CDH12: variants seen among roughly 807,000 people sequenced by gnomAD.
CDH12 encodes the protein cadherin 12.
In CDH12, 41 loss-of-function variants were observed where a neutral mutation model predicts 74.1. That is an observed-to-expected ratio of 0.55 (90% CI 0.43 to 0.72). The LOEUF (loss-of-function observed/expected upper bound fraction) is 0.72. Among genes scored for constraint, CDH12 ranks in the 30% least tolerant of loss-of-function variants. The pLI is 0.00. For synonymous variants in CDH12, 399 were observed against 355.0 expected (o/e 1.12, Z -1.39); for missense variants, 945 against 977.2 (o/e 0.97, Z 0.44).
intron 3 of CDH12, among the ~76,000 whole-genome samples, chr5:22,318,765 G>A (rs1388272122): frequency 6.6e-6 from 1 of 152,064 alleles, no homozygotes; most frequent in East Asian, 1.9e-4. Context: ...GCTTGTATAT[G>A]TACATGTGCA....
intron 1 of CDH12, among the ~76,000 whole-genome samples, chr5:22,688,059 T>C (rs1432862596): frequency 6.6e-6 from 1 of 152,092 alleles, no homozygotes; most frequent in Non-Finnish European, 1.5e-5. Flanking sequence ...TAGCTTCATG[T>C]ACTGCATTTG....
chr5:22,440,131 T>A (rs1443685266), intron 2 of CDH12, among the ~76,000 whole-genome samples: 1 of 152,052 alleles, frequency 6.6e-6, no homozygotes, highest in Non-Finnish European at 1.5e-5. Context: ...AATAAACTAA[T>A]CTATTGAGAA....
chr5:21,860,665 T>C (rs886178684), intron 6 of CDH12, among the ~76,000 whole-genome samples: 2 of 152,032 alleles, frequency 1.3e-5, no homozygotes, highest in African/African-American at 4.8e-5. Context: ...TTGCTGAGTC[T>C]TCTGGCCCTC....
intron 4 of CDH12, among the ~76,000 whole-genome samples, chr5:22,192,051 T>G (rs984887752): frequency 5.9e-5 from 9 of 152,130 alleles, no homozygotes; most frequent in Non-Finnish European, 1.0e-4. Context: ...TTCTCCTGAC[T>G]CAGACTCCCC....
At chr5:22,324,402 T>C (rs1739003188) in intron 3 of CDH12, among the ~76,000 whole-genome samples, 1 of 152,014 alleles carries the variant, frequency 6.6e-6, no homozygotes, top group Non-Finnish European at 1.5e-5. Flanking sequence ...ATCCTTGTTT[T>C]TACTACTTTA....
At chr5:22,151,422 G>T (rs1192679802) in intron 4 of CDH12, among the ~76,000 whole-genome samples, 1 of 152,136 alleles carries the variant, frequency 6.6e-6, no homozygotes, top group Admixed American at 6.6e-5. Flanking sequence ...AATAATCAAA[G>T]GATCAAGTTG....
chr5:22,252,441 T>C (rs1753168816), intron 3 of CDH12, among the ~76,000 whole-genome samples: 1 of 152,050 alleles, frequency 6.6e-6, no homozygotes, highest in African/African-American at 2.4e-5. Context: ...ACACTTGCTT[T>C]GTGGAATAAA....
chr5:22,036,100 T>A (rs969553512), intron 5 of CDH12, among the ~76,000 whole-genome samples: 1 of 152,224 alleles, frequency 6.6e-6, no homozygotes, highest in African/African-American at 2.4e-5. Flanking sequence ...TTAGATGGTA[T>A]GATTGCTGCA....
At chr5:22,154,685 T>A (rs889954216) in intron 4 of CDH12, among the ~76,000 whole-genome samples, 3 of 151,282 alleles carry the variant, frequency 2.0e-5, no homozygotes, top group Non-Finnish European at 4.4e-5. Context: ...AAAAATAAAA[T>A]AAAAATTGCT....
intron 4 of CDH12, among the ~76,000 whole-genome samples, chr5:22,089,023 T>C (rs1225592735): frequency 6.6e-6 from 1 of 152,086 alleles, no homozygotes; most frequent in Non-Finnish European, 1.5e-5. Context: ...TGGTAAAAAG[T>C]AAAAATCTAA....
chr5:22,533,194 T>A (rs575907523), intron 1 of CDH12, among the ~76,000 whole-genome samples: 86 of 152,256 alleles, frequency 5.6e-4, no homozygotes, highest in African/African-American at 1.9e-3. Context: ...TTTTTGGTTG[T>A]CATAACTGGA....
chr5:22,129,232 G>A (rs557498230), intron 4 of CDH12, among the ~76,000 whole-genome samples: 28 of 152,248 alleles, frequency 1.8e-4, no homozygotes, highest in South Asian at 1.2e-3. Flanking sequence ...CTTGTGTGAC[G>A]GTAGCAAGTT....
chr5:22,115,338 T>C (rs533964221), intron 4 of CDH12, among the ~76,000 whole-genome samples: 1 of 152,332 alleles, frequency 6.6e-6, no homozygotes, highest in East Asian at 1.9e-4. Context: ...TTATTCTTAA[T>C]GTTTTCAGAA....
chr5:22,442,705 G>A (rs576752400), intron 2 of CDH12, among the ~76,000 whole-genome samples: 1 of 152,132 alleles, frequency 6.6e-6, no homozygotes, highest in South Asian at 2.1e-4. Context: ...ATCTGAAGTA[G>A]GCAGGAAAGC....
chr5:22,723,833 C>T (rs1441935766), intron 1 of CDH12, among the ~76,000 whole-genome samples: 1 of 151,922 alleles, frequency 6.6e-6, no homozygotes, highest in African/African-American at 2.4e-5. Context: ...TCTTGATGTA[C>T]AGTTTCTGGA....
chr5:21,870,444 T>G (rs1751560967), intron 6 of CDH12, among the ~76,000 whole-genome samples: 1 of 152,190 alleles, frequency 6.6e-6, no homozygotes. Context: ...TGAGTGTGCA[T>G]TCTTGCTGTT....
chr5:22,194,308 C>CTTTTTTTTTTTTTTTTTTTTTTTTTTT (rs59899245), intron 4 of CDH12, among the ~76,000 whole-genome samples: 1 of 139,868 alleles, frequency 7.1e-6, no homozygotes, highest in African/African-American at 2.6e-5. Flanking sequence ...CTTTTTCTTT[C>CTTTTTTTTTTTTTTTTTTTTTTTTTTT]TTTTTTTTTT....
chr5:21,864,801 A>G (rs1751241580), intron 6 of CDH12, among the ~76,000 whole-genome samples: 1 of 152,204 alleles, frequency 6.6e-6, no homozygotes, highest in Admixed American at 6.5e-5. Context: ...TCAGAAGAAA[A>G]GAAATGTAGG....
At chr5:22,249,364 C>G (rs750563281) in intron 3 of CDH12, among the ~76,000 whole-genome samples, 1 of 152,072 alleles carries the variant, frequency 6.6e-6, no homozygotes, top group African/African-American at 2.4e-5. Flanking sequence ...TTATTGGAGA[C>G]AGCTGCGTGG....
Sources: allele counts gnomAD v4.1 joint callset (sites outside exome capture counted in the v4.1 genomes callset), GRCh38; gene constraint gnomAD v4.1.1; transcripts MANE v1.5; gene names NCBI Gene and HGNC (gene_info 2026-07-23, HGNC 2026-07-21).